The following NLGN2 variants were observed in gnomAD, a reference collection of about 807,000 sequenced individuals.
NLGN2 encodes the protein neuroligin-2.
In NLGN2, 11 loss-of-function variants were observed where a neutral mutation model predicts 48.6. The ratio of observed to expected loss-of-function variants is 0.23; its 90% confidence interval spans 0.14 to 0.37. NLGN2 has a LOEUF of 0.37. NLGN2 is among the 10% of genes least tolerant of loss of function. The pLI, the probability that NLGN2 is intolerant of heterozygous loss-of-function variation, is 1.00. For missense variants in NLGN2, 801 were observed against 1,225.2 expected (o/e 0.65, Z 5.17); for synonymous variants, 548 against 550.0 (o/e 1.00, Z 0.05).
At chr17:7,407,357 G>A (rs1266703161), upstream of NLGN2, among the ~76,000 whole-genome samples, 4 of 152,144 alleles carry the variant, frequency 2.6e-5, no homozygotes, top group African/African-American at 4.8e-5. Flanking sequence ...AACTTCTGAC[G>A]GAGGAAATGG....
Position 7,411,576 on chromosome 17 carries a change from C to G in NLGN2, c.458-581C>G, listed in dbSNP as rs953494222. On this transcript the variant is annotated intron_variant, in intron 1 of 6. Coordinates refer to ENST00000302926, the MANE Select transcript of NLGN2 (RefSeq NM_020795.4). This position sits in a 1 kb window ranked among gnomAD's most constrained non-coding sequence, Gnocchi z 4.5. ...CTGAGCTGTGGGGCAGGCTGCCCCC[C>G]AACCCTGTCCTGCTCGCTGCCCTGC... 1.3e-5 allele frequency among the ~76,000 whole-genome samples: 2 copies of G among 152,212 alleles called. No homozygotes were observed. Among genetic ancestry groups the G allele is most frequent in the Non-Finnish European group, 2.9e-5 (2 of 68,028 alleles).
intron 1 of NLGN2, among the ~76,000 whole-genome samples, chr17:7,409,030 C>T (rs1906775385): frequency 6.6e-6 from 1 of 152,134 alleles, no homozygotes; most frequent in Non-Finnish European, 1.5e-5. Context: ...CTAATCTCAA[C>T]CTGGCCACGG....
At chr17:7,416,204 T>C (rs1907095797) in intron 6 of NLGN2, 97 bp downstream of exon 6, 1 of 1,017,544 alleles carries the variant, frequency 9.8e-7, no homozygotes. Context: ...GCCTGCCCTC[T>C]TGCTCGAGTG....
At chr17:7,414,870 G>C in intron 4 of NLGN2, 22 bp downstream of exon 4, 1 of 1,614,050 alleles carries the variant, frequency 6.2e-7, no homozygotes, top group Non-Finnish European at 8.5e-7. Flanking sequence ...GTCCCAGCCT[G>C]TTCCACCCTT....
At chr17:7,410,860 C>T (rs983575639) in intron 1 of NLGN2, among the ~76,000 whole-genome samples, 4 of 152,374 alleles carry the variant, frequency 2.6e-5, no homozygotes, top group Non-Finnish European at 2.9e-5. Context: ...CACGTGCACA[C>T]GTGCCTTGCT....
intron 1 of NLGN2, among the ~76,000 whole-genome samples, chr17:7,409,776 A>C (rs1906800743): frequency 6.6e-6 from 1 of 151,882 alleles, no homozygotes; most frequent in Admixed American, 6.5e-5. Flanking sequence ...AATCCCAACT[A>C]CTCCACAATT....
At position 7,414,453 on chromosome 17, in the gene NLGN2, C is replaced by T. The variant is rs1011817450; in HGVS notation, c.618C>T (p.Asn206=). 13 of 1,613,996 alleles carry T rather than the reference C, an allele frequency of 8.1e-6. No homozygotes were observed. Among genetic ancestry groups the T allele is most frequent in the African/African-American group, 6.7e-5 (5 of 74,922 alleles). The part of the protein sequence containing the change: ...FDGSVLAAYG[N]VIVATLNYRL... ...GCTCAGTCCTGGCTGCCTATGGCAA[C>T]GTCATTGTAGCCACGCTCAACTACC... is the stretch of plus-strand genomic sequence containing the variant. Residue 206 remains asparagine, a synonymous_variant, in exon 3 of 7, where the codon AAC becomes AAT. Coordinates refer to ENST00000302926, the MANE Select transcript of NLGN2 (RefSeq NM_020795.4).
rs1196000945 is a variant in NLGN2 at position 7,411,817 on chromosome 17, A to C, written c.458-340A>C. On this transcript the variant is annotated intron_variant, in intron 1 of 6. Transcript: ENST00000302926. The surrounding 1 kb of genome is among the most constrained non-coding windows in gnomAD (Gnocchi z 4.5). ...CACTGTTTCATTTCCAGCAATTAGC[A>C]AACACATCGACAAGCCAAAACCTTT... is the stretch of plus-strand genomic sequence containing the variant. Among the ~76,000 whole-genome samples the C allele has an allele frequency of 1.4e-5, 2 of 147,258 alleles. No homozygotes were observed. The highest frequency in any genetic ancestry group is 3.0e-5 in the Non-Finnish European group (2 of 66,788).
intron 2 of NLGN2, among the ~76,000 whole-genome samples, chr17:7,412,867 G>A (rs757520662): frequency 4.0e-5 from 6 of 149,684 alleles, no homozygotes; most frequent in East Asian, 2.0e-4. Flanking sequence ...AATCTGCCCC[G>A]AGAGCTTCTT....
intron 1 of NLGN2, among the ~76,000 whole-genome samples, chr17:7,410,344 T>C (rs570858511): frequency 6.6e-6 from 1 of 151,756 alleles, no homozygotes; most frequent in South Asian, 2.1e-4. Context: ...CAGAGCGTCA[T>C]CTACTCTAAT....
intron 1 of NLGN2, among the ~76,000 whole-genome samples, chr17:7,410,028 C>T (rs943476430): frequency 3.9e-5 from 6 of 151,974 alleles, no homozygotes; most frequent in South Asian, 2.1e-4. Flanking sequence ...CATCACAGTC[C>T]CCAACATCCC....
upstream of NLGN2, among the ~76,000 whole-genome samples, chr17:7,407,659 T>C (rs371330404): frequency 3.2e-4 from 48 of 152,194 alleles, no homozygotes; most frequent in East Asian, 6.8e-3. Context: ...AGAACCTGCC[T>C]GGGAGGGATA....
rs1177959903 is a variant in NLGN2, at chr17:7,411,482, G to A, written c.458-675G>A. ...GACGAGAAGTGCTGGTGGTGAGGCT[G>A]GGTAGCGGGCGGGCAGCCCCAGCTG... On this transcript the variant is annotated intron_variant, in intron 1 of 6. Transcript: ENST00000302926. This position sits in a 1 kb window ranked among gnomAD's most constrained non-coding sequence, Gnocchi z 4.5. 6.6e-6 allele frequency among the ~76,000 whole-genome samples: 1 copy of A among 152,234 alleles called. No individual in the cohort carries two copies.
chr17:7,416,835 G>A (rs1907119221), intron 6 of NLGN2, 91 bp from the exon 7 acceptor site: 3 of 1,467,714 alleles, frequency 2.0e-6, no homozygotes, highest in Admixed American at 3.8e-5. Context: ...CTGTCTCTCT[G>A]CATCTCTGTC....
chr17:7,406,812 A>G (rs1480788310), upstream of NLGN2, among the ~76,000 whole-genome samples: 1 of 152,090 alleles, frequency 6.6e-6, no homozygotes, highest in Non-Finnish European at 1.5e-5. Flanking sequence ...TGGGATGGGA[A>G]GAGAAGAAAG....
chr17:7,416,947 G>C lies in NLGN2; in HGVS notation c.1656G>C (p.Pro552=). ...ACAGGGACCCCAACCAGCCGGTGCC[G>C]CAGGATACCAAGTTCATCCACACCA... The part of the protein sequence containing the change: ...AKTGDPNQPV[P]QDTKFIHTKP... Residue 552 remains proline (P), a synonymous_variant, in exon 7 of 7, where the codon CCG becomes CCC. Coordinates refer to ENST00000302926, the MANE Select transcript of NLGN2 (RefSeq NM_020795.4). 6.2e-7 allele frequency: 1 copy of C among 1,613,810 alleles called. No homozygotes were observed. The highest frequency in any genetic ancestry group is 8.5e-7 in the Non-Finnish European group (1 of 1,179,896).
rs559468415 is a variant in NLGN2 at position 7,411,635 on chromosome 17, C to T, written c.458-522C>T. Among the ~76,000 whole-genome samples, 28 of 152,190 alleles carry T rather than the reference C, an allele frequency of 1.8e-4. No individual in the cohort carries two copies. Among genetic ancestry groups the T allele is most frequent in the Non-Finnish European group, 3.1e-4 (21 of 68,022 alleles). ...CCAGAGGGAAGCAGAGTCTTTTCTG[C>T]GGCAGTCTCTCCTCCCTACAGCCTT... On this transcript the variant is annotated intron_variant, in intron 1 of 6. Transcript: ENST00000302926. The surrounding 1 kb of genome is among the most constrained non-coding windows in gnomAD (Gnocchi z 4.5).
chr17:7,408,218 G>C lies in NLGN2; in HGVS notation c.-38G>C. On this transcript the variant is annotated 5_prime_UTR_variant, in exon 1 of 7. Coordinates refer to ENST00000302926, the MANE Select transcript of NLGN2 (RefSeq NM_020795.4). This position sits in a 1 kb window ranked among gnomAD's most constrained non-coding sequence, Gnocchi z 7.5. ...CCCCTTCTCTCTCTCTCCGAGGGGG[G>C]GGGGTCCCAGGGAGGGAGGGGGGGT... The C allele has an allele frequency of 1.8e-6, 2 of 1,129,934 alleles. No homozygotes were observed. The highest frequency in any genetic ancestry group is 2.3e-6 in the Non-Finnish European group (2 of 872,686). 70.0% of individuals were successfully genotyped at this position (1,129,934 alleles called of 1,614,324 possible).
upstream of NLGN2, among the ~76,000 whole-genome samples, chr17:7,406,915 A>T (rs1024626556): frequency 6.6e-6 from 1 of 152,134 alleles, no homozygotes; most frequent in Admixed American, 6.5e-5. Flanking sequence ...GGAGGGGGGC[A>T]GTCAGTAGGC....
Sources: allele counts gnomAD v4.1 joint callset (sites outside exome capture counted in the v4.1 genomes callset), GRCh38; gene constraint gnomAD v4.1.1; non-coding constraint Gnocchi (gnomAD v3.1); transcripts MANE v1.5; gene names NCBI Gene and HGNC (gene_info 2026-07-23, HGNC 2026-07-21).